LPP: variants seen among roughly 807,000 people sequenced by gnomAD.
LPP encodes the protein lipoma-preferred partner.
Under a neutral mutation model 60.4 loss-of-function variants are expected in LPP, and 38 were observed. The observed-to-expected ratio is 0.63, with a 90% confidence interval of 0.49 to 0.83. The LOEUF (loss-of-function observed/expected upper bound fraction) is 0.83. Ranked by LOEUF, LPP falls within the 40% of genes least tolerant of loss-of-function variation. The pLI, the probability that LPP is intolerant of heterozygous loss-of-function variation, is 0.00. For missense variants in LPP, 902 were observed against 783.6 expected (o/e 1.15, Z -1.80); for synonymous variants, 328 against 290.8 (o/e 1.13, Z -1.30).
chr3:188,703,229 T>A (rs938382348), intron 7 of LPP, among the ~76,000 whole-genome samples: 2 of 152,230 alleles, frequency 1.3e-5, no homozygotes, highest in African/African-American at 4.8e-5. Flanking sequence ...CTATTCCCTT[T>A]CAGCACCTCC....
At chr3:188,667,688 T>C (rs1287273850) in intron 7 of LPP, among the ~76,000 whole-genome samples, 2 of 149,650 alleles carry the variant, frequency 1.3e-5, no homozygotes, top group Admixed American at 6.8e-5. Context: ...CTTTTTTGTT[T>C]TTGTTTTTCT....
intron 1 of LPP, among the ~76,000 whole-genome samples, chr3:188,188,208 G>A (rs1019768129): frequency 6.6e-6 from 1 of 152,164 alleles, no homozygotes; most frequent in Non-Finnish European, 1.5e-5. Flanking sequence ...ATGGTGCTAG[G>A]TTTTAGTGGG....
At chr3:188,791,708 T>G (rs894490384) in intron 9 of LPP, among the ~76,000 whole-genome samples, 3 of 152,196 alleles carry the variant, frequency 2.0e-5, no homozygotes, top group Non-Finnish European at 4.4e-5. Flanking sequence ...TTGCCATCCT[T>G]CAGGTCTCAG....
intron 3 of LPP, among the ~76,000 whole-genome samples, chr3:188,404,475 C>T (rs1410759197): frequency 6.6e-6 from 1 of 152,124 alleles, no homozygotes; most frequent in East Asian, 1.9e-4. Flanking sequence ...AAACTCCTGG[C>T]CTCAAGTGAT....
intron 4 of LPP, among the ~76,000 whole-genome samples, chr3:188,466,245 G>A (rs1197175684): frequency 4.6e-5 from 7 of 152,168 alleles, no homozygotes; most frequent in African/African-American, 1.7e-4. Context: ...GTTACTGGTT[G>A]CTTTTTGTCT....
At chr3:188,538,004 T>C (rs953440002) in intron 6 of LPP, among the ~76,000 whole-genome samples, 1 of 152,116 alleles carries the variant, frequency 6.6e-6, no homozygotes, top group African/African-American at 2.4e-5. Flanking sequence ...AAAATAGTTT[T>C]CTCAACAAAT....
intron 8 of LPP, among the ~76,000 whole-genome samples, chr3:188,739,133 A>G (rs1010396826): frequency 6.6e-6 from 1 of 152,120 alleles, no homozygotes; most frequent in African/African-American, 2.4e-5. Flanking sequence ...TTCTGTAATA[A>G]TTTGAAGAAG....
At chr3:188,169,110 G>A (rs1251604238) in intron 1 of LPP, among the ~76,000 whole-genome samples, 1 of 152,134 alleles carries the variant, frequency 6.6e-6, no homozygotes, top group African/African-American at 2.4e-5. Flanking sequence ...AGAAACTTTG[G>A]GCTCGTAGTA....
At chr3:188,862,152 T>G (rs958361407) in intron 9 of LPP, among the ~76,000 whole-genome samples, 1 of 152,170 alleles carries the variant, frequency 6.6e-6, no homozygotes, top group Non-Finnish European at 1.5e-5. Flanking sequence ...TATAAGGACT[T>G]CCTATACTTT....
chr3:188,509,873 G>GTTTTTTTTTTTTTTTTTTTT (rs35389820), intron 5 of LPP, among the ~76,000 whole-genome samples: 3 of 111,044 alleles, frequency 2.7e-5, no homozygotes, highest in Admixed American at 1.2e-4. Flanking sequence ...TTTTTTTGTT[G>GTTTTTTTTTTTTTTTTTTTT]TTTTTTTTTT....
intron 9 of LPP, among the ~76,000 whole-genome samples, chr3:188,855,065 T>G (rs1451563430): frequency 6.6e-6 from 1 of 152,210 alleles, no homozygotes; most frequent in East Asian, 1.9e-4. Flanking sequence ...TTCTCCTGGA[T>G]GAGTTAGTTA....
At position 188,878,187 on chromosome 3, in the gene LPP, G is replaced by A. The variant is rs1046846312; in HGVS notation, c.*3708G>A. The A allele has an allele frequency of 2.3e-5, 5 of 217,170 alleles. No individual in the cohort carries two copies. The highest frequency in any genetic ancestry group is 4.6e-5 in the Non-Finnish European group (5 of 107,790). 13.5% of individuals were successfully genotyped at this position (217,170 alleles called of 1,614,324 possible). A position where few individuals can be genotyped will look rare whatever the true frequency, so the allele number is the denominator to read the frequency against. The stretch of plus-strand genomic sequence containing the variant: ...TAATGTGAACCAGCCAGGAATAACA[G>A]TGTTATTTCTATTGGATATGGTTTG... On this transcript the variant is annotated 3_prime_UTR_variant, in exon 12 of 12. Coordinates refer to ENST00000617246, the MANE Select transcript of LPP (RefSeq NM_001375462.1).
At chr3:188,465,055 A>G (rs1317170131) in intron 4 of LPP, among the ~76,000 whole-genome samples, 1 of 151,746 alleles carries the variant, frequency 6.6e-6, no homozygotes, top group African/African-American at 2.4e-5. Flanking sequence ...GGATACCATG[A>G]TCTTTTTATC....
chr3:188,348,926 T>C (rs948542619), intron 3 of LPP, among the ~76,000 whole-genome samples: 1 of 152,196 alleles, frequency 6.6e-6, no homozygotes, highest in African/African-American at 2.4e-5. Context: ...TTGGGAATAA[T>C]GGAAGACTGG....
At chr3:188,611,089 C>T (rs1003500691) in intron 7 of LPP, among the ~76,000 whole-genome samples, 3 of 152,160 alleles carry the variant, frequency 2.0e-5, no homozygotes, top group Middle Eastern at 6.3e-3. Flanking sequence ...TATATGAAAG[C>T]GTCTGCCATA....
At chr3:188,636,180 C>T (rs11715911) in intron 7 of LPP, among the ~76,000 whole-genome samples, 25,468 of 152,104 alleles carry the variant, frequency 0.17, 2,515 homozygotes, top group Middle Eastern at 0.3. Context: ...AGACAGTGGG[C>T]GCAGGTCAGT....
intron 3 of LPP, among the ~76,000 whole-genome samples, chr3:188,361,882 T>A (rs1769535473): frequency 6.6e-6 from 1 of 152,106 alleles, no homozygotes; most frequent in South Asian, 2.1e-4. Flanking sequence ...TAGGTTTTCT[T>A]AAGAAAACCT....
chr3:188,650,056 A>G (rs1024130114), intron 7 of LPP, among the ~76,000 whole-genome samples: 3 of 152,224 alleles, frequency 2.0e-5, no homozygotes, highest in South Asian at 2.1e-4. Context: ...AGATTAGGAT[A>G]GATTTCTCAC....
intron 2 of LPP, among the ~76,000 whole-genome samples, chr3:188,228,834 A>T (rs890487965): frequency 1.3e-5 from 2 of 152,188 alleles, no homozygotes; most frequent in African/African-American, 4.8e-5. Context: ...CCTACCTCTC[A>T]TGTTTGCTTA....
Sources: allele counts gnomAD v4.1 joint callset (sites outside exome capture counted in the v4.1 genomes callset), GRCh38; gene constraint gnomAD v4.1.1; transcripts MANE v1.5; gene names NCBI Gene and HGNC (gene_info 2026-07-23, HGNC 2026-07-21).